Variants in KCNMA1 observed in about 807,000 individuals in gnomAD.
KCNMA1 encodes the protein potassium calcium-activated channel subfamily M alpha 1.
In KCNMA1, 29 loss-of-function variants were observed where a neutral mutation model predicts 140.0. The ratio of observed to expected loss-of-function variants is 0.21; its 90% CI spans 0.15 to 0.28. KCNMA1 has a LOEUF of 0.28. KCNMA1 is among the 10% of genes least tolerant of loss of function. The pLI is 1.00. For synonymous variants in KCNMA1, 612 were observed against 611.9 expected, an observed-to-expected ratio of 1.00 and a Z score of 0.00; for missense variants, 880 against 1,602.2, an observed-to-expected ratio of 0.55 and a Z score of 7.70.
At chr10:77,450,121 T>C (rs2097606554) in intron 1 of KCNMA1, among the ~76,000 whole-genome samples, 1 of 152,148 alleles carries the variant, frequency 6.6e-6, no homozygotes, top group Non-Finnish European at 1.5e-5. Flanking sequence ...AGTGGCACGA[T>C]CTTGGCTCAC....
intron 23 of KCNMA1, chr10:76,930,203 G>C (rs546569499): frequency 1.3e-5 from 2 of 152,128 alleles, no homozygotes; most frequent in East Asian, 3.9e-4. Flanking sequence ...TACTGAACGG[G>C]AGAAAATATT....
chr10:77,557,655 T>G (rs1034064676), intron 1 of KCNMA1, among the ~76,000 whole-genome samples: 18 of 151,686 alleles, frequency 1.2e-4, no homozygotes, highest in African/African-American at 4.1e-4. Context: ...ATTTTTTTTT[T>G]TTTTTTTTTT....
At chr10:77,321,872 C>G (rs1040536590) in intron 2 of KCNMA1, among the ~76,000 whole-genome samples, 15 of 152,140 alleles carry the variant, frequency 9.9e-5, no homozygotes, top group Admixed American at 3.9e-4. Context: ...CCCAAACACG[C>G]CAAGAACTAG....
chr10:77,258,867 GC>G (rs2061376057), intron 2 of KCNMA1, among the ~76,000 whole-genome samples: 1 of 152,122 alleles, frequency 6.6e-6, no homozygotes. Flanking sequence ...GGAGGCTGAG[GC>G]AGGAGAATTG....
chr10:77,083,788 T>C (rs569212050), intron 12 of KCNMA1, among the ~76,000 whole-genome samples: 5 of 149,524 alleles, frequency 3.3e-5, no homozygotes, highest in Non-Finnish European at 3.0e-5. Context: ...TGAGCTATGA[T>C]TGAGTCCCTG....
intron 1 of KCNMA1, among the ~76,000 whole-genome samples, chr10:77,420,711 C>A (rs989457781): frequency 1.3e-5 from 2 of 152,126 alleles, no homozygotes; most frequent in African/African-American, 4.8e-5. Flanking sequence ...TCCAAGAGCA[C>A]AGACCCAGTA....
At chr10:77,042,042 A>G (rs1296864840) in intron 14 of KCNMA1, among the ~76,000 whole-genome samples, 1 of 152,142 alleles carries the variant, frequency 6.6e-6, no homozygotes, top group Non-Finnish European at 1.5e-5. Context: ...AGTCTGGGCA[A>G]TTAGATTATG....
chr10:77,384,908 A>G (rs1362056641), intron 2 of KCNMA1, among the ~76,000 whole-genome samples: 4 of 152,204 alleles, frequency 2.6e-5, no homozygotes, highest in Non-Finnish European at 5.9e-5. Flanking sequence ...TAACATGAAA[A>G]CAGCCTGGGT....
chr10:76,923,986 A>G (rs185258807), intron 23 of KCNMA1, among the ~76,000 whole-genome samples: 1 of 152,242 alleles, frequency 6.6e-6, no homozygotes, highest in East Asian at 1.9e-4. Flanking sequence ...GCCTGGGTGA[A>G]AAGGTGAGAC....
At chr10:77,415,551 A>G (rs986154351) in intron 1 of KCNMA1, among the ~76,000 whole-genome samples, 2 of 152,252 alleles carry the variant, frequency 1.3e-5, no homozygotes, top group African/African-American at 4.8e-5. Context: ...GTTTCTCATC[A>G]GGGCAGACTG....
chr10:77,636,333 T>C (rs2093721720), intron 1 of KCNMA1: 5 of 1,525,424 alleles, frequency 3.3e-6, no homozygotes, highest in South Asian at 1.2e-5. Context: ...CTAGCAACCA[T>C]ACATCGAAGG....
chr10:77,486,162 G>A (rs1035441491), intron 1 of KCNMA1, among the ~76,000 whole-genome samples: 3 of 152,178 alleles, frequency 2.0e-5, no homozygotes, highest in Non-Finnish European at 4.4e-5. Flanking sequence ...GTAGGCTGCC[G>A]TGGCCAGGAC....
chr10:76,985,055 T>G (rs1162680740), intron 19 of KCNMA1, among the ~76,000 whole-genome samples: 1 of 152,238 alleles, frequency 6.6e-6, no homozygotes, highest in Non-Finnish European at 1.5e-5. Context: ...GCCATCTGTC[T>G]TGCAATCTAT....
At chr10:76,977,537 G>A (rs11001956) in intron 19 of KCNMA1, 19,376 of 702,782 alleles carry the variant, frequency 0.028, 1,384 homozygotes, top group East Asian at 0.24. Flanking sequence ...ATATTAACTC[G>A]CTGACCTTTG....
chr10:77,312,827 T>C (rs79879695), intron 2 of KCNMA1, among the ~76,000 whole-genome samples: 2,480 of 152,254 alleles, frequency 0.016, 72 homozygotes, highest in African/African-American at 0.055. Flanking sequence ...CTTGTTTCCA[T>C]TGTATGCATG....
intron 14 of KCNMA1, among the ~76,000 whole-genome samples, chr10:77,045,318 G>A (rs1360382935): frequency 6.6e-6 from 1 of 152,218 alleles, no homozygotes; most frequent in African/African-American, 2.4e-5. Context: ...TCCTGAGGCA[G>A]CAATTTATCC....
intron 1 of KCNMA1, among the ~76,000 whole-genome samples, chr10:77,404,776 G>A (rs1314827824): frequency 1.3e-5 from 2 of 152,024 alleles, no homozygotes; most frequent in African/African-American, 4.8e-5. Flanking sequence ...CCTCACATTG[G>A]CTCCAACATT....
At chr10:77,048,428 A>C (rs1375227501) in intron 14 of KCNMA1, among the ~76,000 whole-genome samples, 1 of 152,174 alleles carries the variant, frequency 6.6e-6, no homozygotes, top group Non-Finnish European at 1.5e-5. Flanking sequence ...AATTGTTCTC[A>C]ACTAATACTT....
At chr10:77,537,262 A>G (rs2059115824) in intron 1 of KCNMA1, among the ~76,000 whole-genome samples, 1 of 152,090 alleles carries the variant, frequency 6.6e-6, no homozygotes, top group South Asian at 2.1e-4. Context: ...AATTTCAGTG[A>G]CAGGAAATGC....
Sources: allele counts gnomAD v4.1 joint callset (sites outside exome capture counted in the v4.1 genomes callset), GRCh38; gene constraint gnomAD v4.1.1; transcripts MANE v1.5; gene names NCBI Gene and HGNC (gene_info 2026-07-23, HGNC 2026-07-21).